RASGRP3: variants seen among roughly 807,000 people sequenced by gnomAD.
The protein encoded by RASGRP3 is RAS guanyl releasing protein 3, also known as ras guanyl-releasing protein 3.
A neutral mutation model predicts 82.7 loss-of-function variants in RASGRP3; 54 were observed. That is an observed-to-expected ratio of 0.65 (90% CI 0.52 to 0.82). The LOEUF is 0.82. Ranked by LOEUF, RASGRP3 falls within the 40% of genes least tolerant of loss-of-function variation. RASGRP3 has a pLI of 0.00. For missense variants in RASGRP3, 861 were observed against 828.9 expected (o/e 1.04, Z -0.48); for synonymous variants, 309 against 300.5 (o/e 1.03, Z -0.29).
intron 14 of RASGRP3, among the ~76,000 whole-genome samples, chr2:33,552,342 ATGT>A (rs1036129913): frequency 2.0e-5 from 3 of 152,182 alleles, no homozygotes; most frequent in Admixed American, 6.5e-5. Flanking sequence ...CTTACCCACC[ATGT>A]TGTTGCATGA....
chr2:33,440,302 C>CCAT (rs1665156361), intron 1 of RASGRP3, among the ~76,000 whole-genome samples: 1 of 152,214 alleles, frequency 6.6e-6, no homozygotes, highest in Non-Finnish European at 1.5e-5. Flanking sequence ...GCCTCTGCAA[C>CCAT]CATCTATCGG....
chr2:33,525,723 A>AAAAC (rs2151032841), intron 9 of RASGRP3, among the ~76,000 whole-genome samples: 1 of 150,152 alleles, frequency 6.7e-6, no homozygotes, highest in African/African-American at 2.4e-5. Flanking sequence ...AAAAAAAAAA[A>AAAAC]AAAACTAGCC....
rs150216008 is a variant in RASGRP3, at chr2:33,501,577, C to T, written c.-260-10133C>T. 8.3e-3 allele frequency among the ~76,000 whole-genome samples: 1,264 copies of T among 152,322 alleles called. 8 individuals carry two copies. The highest frequency in any genetic ancestry group is 0.013 in the Non-Finnish European group (880 of 68,028). ...GTTAAGTAAAACTTGTCCAAAGTCA[C>T]ATGCTAGTAAGTAGAAGAGCTAGGT... On this transcript the variant is annotated intron_variant, in intron 1 of 17. Coordinates refer to ENST00000403687, the MANE Select transcript of RASGRP3 (RefSeq NM_001139488.2).
upstream of RASGRP3, among the ~76,000 whole-genome samples, chr2:33,475,348 C>T (rs573204322): frequency 2.0e-5 from 3 of 152,102 alleles, no homozygotes; most frequent in South Asian, 6.2e-4. Flanking sequence ...AACACTGTAT[C>T]CTCTATATGG....
intron 2 of RASGRP3, among the ~76,000 whole-genome samples, chr2:33,469,644 A>G (rs1377615235): frequency 1.3e-5 from 2 of 152,024 alleles, no homozygotes; most frequent in African/African-American, 2.4e-5. Context: ...TATTTTTGGT[A>G]GAGAAGGGGT....
intron 1 of RASGRP3, among the ~76,000 whole-genome samples, chr2:33,504,303 G>A (rs1458175642): frequency 6.6e-6 from 1 of 151,794 alleles, no homozygotes; most frequent in Admixed American, 6.6e-5. Context: ...TCCCATTTCT[G>A]TGCTCCCGCA....
chr2:33,469,507 C>A (rs887032615), intron 2 of RASGRP3, among the ~76,000 whole-genome samples: 24 of 150,202 alleles, frequency 1.6e-4, no homozygotes, highest in Non-Finnish European at 2.4e-4. Context: ...GTTACCCAGG[C>A]TGAGTGCAGT....
At chr2:33,442,270 A>G (rs1665265574) in intron 1 of RASGRP3, among the ~76,000 whole-genome samples, 1 of 152,230 alleles carries the variant, frequency 6.6e-6, no homozygotes, top group African/African-American at 2.4e-5. Context: ...AGGCTAAGCC[A>G]GGAGAATTGC....
intron 2 of RASGRP3, among the ~76,000 whole-genome samples, chr2:33,465,886 G>C (rs577281549): frequency 6.7e-6 from 1 of 149,672 alleles, no homozygotes; most frequent in South Asian, 2.1e-4. Flanking sequence ...TCTATAAATG[G>C]AACAACAAAG....
intron 10 of RASGRP3, among the ~76,000 whole-genome samples, chr2:33,530,104 A>ATATGGCTGACCATATGGGT (rs1672966630): frequency 2.0e-5 from 3 of 152,198 alleles, no homozygotes; most frequent in Admixed American, 6.5e-5. Flanking sequence ...GGAAGCACAC[A>ATATGGCTGACCATATGGGT]CATATCTGGA....
At chr2:33,452,338 C>T (rs1344465895) in intron 2 of RASGRP3, among the ~76,000 whole-genome samples, 3 of 152,122 alleles carry the variant, frequency 2.0e-5, no homozygotes, top group Non-Finnish European at 4.4e-5. Flanking sequence ...GAAGTAAGCA[C>T]CTGTTCTACC....
intron 1 of RASGRP3, among the ~76,000 whole-genome samples, chr2:33,494,077 C>A (rs1361760778): frequency 1.3e-5 from 2 of 152,164 alleles, no homozygotes; most frequent in Non-Finnish European, 2.9e-5. Flanking sequence ...TTTACTAACT[C>A]ACTATTTACA....
chr2:33,541,022 T>C (rs1674242846), intron 12 of RASGRP3, among the ~76,000 whole-genome samples: 1 of 146,952 alleles, frequency 6.8e-6, no homozygotes, highest in African/African-American at 2.4e-5. Context: ...ATAGATAGAA[T>C]AGACAGAAAC....
At chr2:33,548,185 C>A (rs1574480900) in intron 13 of RASGRP3, among the ~76,000 whole-genome samples, 1 of 151,822 alleles carries the variant, frequency 6.6e-6, no homozygotes, top group Non-Finnish European at 1.5e-5. Context: ...CACGGTGAAA[C>A]CCCGTCTCTA....
intron 8 of RASGRP3, 61 bp from the exon 9 acceptor site, chr2:33,524,371 A>G (rs1193759830): frequency 4.4e-6 from 5 of 1,131,542 alleles, no homozygotes; most frequent in African/African-American, 1.6e-5. Context: ...TTTACTTGTA[A>G]TTCAGAAAGT....
chr2:33,477,252 CAAA>C (rs752354937), intron 1 of RASGRP3, among the ~76,000 whole-genome samples: 21 of 152,052 alleles, frequency 1.4e-4, no homozygotes, highest in Non-Finnish European at 2.4e-4. Flanking sequence ...AGAAGACTGA[CAAA>C]ATAATATTTA....
intron 12 of RASGRP3, among the ~76,000 whole-genome samples, chr2:33,540,556 TTGTGTGTGTGTG>T (rs377215232): frequency 1.6e-4 from 6 of 38,626 alleles, no homozygotes; most frequent in Non-Finnish European, 2.7e-4. Context: ...TGTGTGTGTT[TTGTGTGTGTGTG>T]TGTGTGTGTG....
At chr2:33,529,680 G>T (rs1318216623) in intron 10 of RASGRP3, among the ~76,000 whole-genome samples, 1 of 152,064 alleles carries the variant, frequency 6.6e-6, no homozygotes, top group African/African-American at 2.4e-5. Context: ...CAAAATCCTA[G>T]ATGTGAGACC....
At chr2:33,500,636 G>A (rs532716458) in intron 1 of RASGRP3, among the ~76,000 whole-genome samples, 3 of 152,230 alleles carry the variant, frequency 2.0e-5, no homozygotes, top group Admixed American at 1.3e-4. Flanking sequence ...GATATAGCAG[G>A]TTAAAAAAAT....
Sources: allele counts gnomAD v4.1 joint callset (sites outside exome capture counted in the v4.1 genomes callset), GRCh38; gene constraint gnomAD v4.1.1; transcripts MANE v1.5; gene names NCBI Gene and HGNC (gene_info 2026-07-23, HGNC 2026-07-21).